Variants in RABGAP1L observed in about 807,000 individuals in gnomAD.
The protein encoded by RABGAP1L is rab GTPase-activating protein 1-like.
RABGAP1L carries 63 observed loss-of-function variants against 137.7 expected under a neutral mutation model. That is an observed-to-expected ratio of 0.46 (90% CI 0.37 to 0.56). The LOEUF is 0.56. RABGAP1L is among the 20% of genes least tolerant of loss of function. The pLI, the probability that RABGAP1L is intolerant of heterozygous loss-of-function variation, is 0.00. For synonymous variants in RABGAP1L, 431 were observed against 433.7 expected (o/e 0.99, Z 0.08); for missense variants, 1,095 against 1,244.0 (o/e 0.88, Z 1.80).
At chr1:174,560,473 G>A (rs1378930894) in intron 13 of RABGAP1L, among the ~76,000 whole-genome samples, 1 of 152,230 alleles carries the variant, frequency 6.6e-6, no homozygotes, top group African/African-American at 2.4e-5. Context: ...AATAGGGGCA[G>A]GGGAATCTAC....
chr1:174,892,423 A>G (rs1656338566), intron 19 of RABGAP1L: 1 of 409,974 alleles, frequency 2.4e-6, no homozygotes, highest in Non-Finnish European at 4.7e-6. Flanking sequence ...AGAAATATGA[A>G]TATCAACACG....
rs186569392 is a variant in RABGAP1L at position 174,190,410 on chromosome 1, T to A, written c.-33-28715T>A. On this transcript the variant is annotated intron_variant, in intron 1 of 25. Coordinates refer to ENST00000681986, the MANE Select transcript of RABGAP1L (RefSeq NM_001366446.1). ...ATAACTGTAAGAAATCATTTTTTTT[T>A]ATAAATTACCAAGTTTCAGGTATTT... is the stretch of plus-strand genomic sequence containing the variant. 3.9e-3 allele frequency among the ~76,000 whole-genome samples: 596 copies of A among 152,330 alleles called. 5 individuals carry two copies. The highest frequency in any genetic ancestry group is 0.012 in the African/African-American group (516 of 41,576).
At chr1:174,395,674 C>G (rs576898924) in intron 13 of RABGAP1L, among the ~76,000 whole-genome samples, 1 of 152,026 alleles carries the variant, frequency 6.6e-6, no homozygotes, top group African/African-American at 2.4e-5. Flanking sequence ...AAACACAACA[C>G]CTTCTGATTT....
chr1:174,649,704 G>T (rs1207782523), intron 14 of RABGAP1L, among the ~76,000 whole-genome samples: 2 of 152,122 alleles, frequency 1.3e-5, no homozygotes, highest in East Asian at 3.8e-4. Context: ...AGACTTTGCT[G>T]AAGGTGCTTA....
At chr1:174,519,185 AAT>A (rs946882896) in intron 13 of RABGAP1L, among the ~76,000 whole-genome samples, 55 of 149,850 alleles carry the variant, frequency 3.7e-4, no homozygotes, top group Middle Eastern at 3.4e-3. Flanking sequence ...CCCATGTGTA[AAT>A]ATATATATAT....
At chr1:174,308,312 TTCTC>T (rs1379550085) in intron 11 of RABGAP1L, among the ~76,000 whole-genome samples, 1 of 152,102 alleles carries the variant, frequency 6.6e-6, no homozygotes, top group African/African-American at 2.4e-5. Flanking sequence ...GCGAAATACT[TTCTC>T]TCATTCTGTA....
At chr1:174,191,033 G>A (rs764721522) in intron 1 of RABGAP1L, among the ~76,000 whole-genome samples, 1 of 152,112 alleles carries the variant, frequency 6.6e-6, no homozygotes, top group Non-Finnish European at 1.5e-5. Context: ...AGATAGGTGC[G>A]GTTTGTGGCA....
rs368720412 is a variant in RABGAP1L at position 174,758,873 on chromosome 1, C to A, written c.2211+6519C>A. Among the ~76,000 whole-genome samples, 57 of 152,316 alleles carry A rather than the reference C, an allele frequency of 3.7e-4. No homozygotes were observed. The Middle Eastern group carries it at 0.01, about 27-fold the overall frequency. On this transcript the variant is annotated intron_variant, in intron 18 of 25. Transcript: ENST00000681986. ...AGTAACCTCCACTTCAGTAAGGACTCTACCCAGCTGCTCAAACCAGAAACC... is the reference window on the plus strand; with the variant it reads ...AGTAACCTCCACTTCAGTAAGGACTATACCCAGCTGCTCAAACCAGAAACC...
intron 13 of RABGAP1L, among the ~76,000 whole-genome samples, chr1:174,502,269 T>C (rs1340578876): frequency 6.6e-6 from 1 of 151,636 alleles, no homozygotes; most frequent in Non-Finnish European, 1.5e-5. Flanking sequence ...TAGGCAATAA[T>C]TGACAGATTC....
intron 19 of RABGAP1L, among the ~76,000 whole-genome samples, chr1:174,916,854 T>C (rs1660964680): frequency 6.6e-6 from 1 of 152,226 alleles, no homozygotes; most frequent in South Asian, 2.1e-4. Context: ...AGACTTACAT[T>C]ACTAAATAAC....
At chr1:174,509,948 C>A (rs923075497) in intron 13 of RABGAP1L, among the ~76,000 whole-genome samples, 2 of 152,158 alleles carry the variant, frequency 1.3e-5, no homozygotes, top group Non-Finnish European at 2.9e-5. Flanking sequence ...ATTGCCCTTG[C>A]TGAGGTTGAG....
intron 7 of RABGAP1L, among the ~76,000 whole-genome samples, chr1:174,259,375 C>G (rs1190742430): frequency 1.3e-5 from 2 of 152,260 alleles, no homozygotes; most frequent in Admixed American, 6.5e-5. Flanking sequence ...GTACTATTAT[C>G]TTCATTTTTC....
At chr1:174,268,534 A>T (rs1343336833) in intron 7 of RABGAP1L, among the ~76,000 whole-genome samples, 1 of 152,132 alleles carries the variant, frequency 6.6e-6, no homozygotes, top group East Asian at 1.9e-4. Context: ...AAAGTTTAGT[A>T]CAGCAAGAGA....
In RABGAP1L at chr1:174,443,858, A is replaced by G. The variant is rs550214730; in HGVS notation, c.1710+49713A>G. Among the ~76,000 whole-genome samples the G allele has an allele frequency of 3.9e-5, 6 of 152,182 alleles. 1 individual carries two copies. The South Asian group carries it at 1.0e-3, about 26-fold the overall frequency. ...ATCAACTTTGACTTGATTTTTGTAT[A>G]TGGTGAGAGATAGGAGTCTAGTTTT... On this transcript the variant is annotated intron_variant, in intron 13 of 25. Transcript: ENST00000681986.
At position 174,959,227 on chromosome 1, in the gene RABGAP1L, T is replaced by A. The variant is rs986857286; in HGVS notation, c.2433+1678T>A. ...CAATAAAACCAGCTTTTAATGTAAA[T>A]CACATAGCATGCTGCTTTAGAAAGG... On this transcript the variant is annotated intron_variant, in intron 20 of 25. Coordinates refer to ENST00000681986, the MANE Select transcript of RABGAP1L (RefSeq NM_001366446.1). Among the ~76,000 whole-genome samples the A allele has an allele frequency of 2.0e-5, 3 of 152,350 alleles. No homozygotes were observed. The East Asian group carries it at 5.8e-4, about 29-fold the overall frequency.
chr1:174,271,590 A>T (rs2148660262), intron 7 of RABGAP1L, among the ~76,000 whole-genome samples: 1 of 152,186 alleles, frequency 6.6e-6, no homozygotes, highest in East Asian at 1.9e-4. Flanking sequence ...CGAGACCTAT[A>T]ATATAGCAGT....
chr1:174,548,154 A>T, intron 13 of RABGAP1L: 5 of 1,479,694 alleles, frequency 3.4e-6, no homozygotes, highest in Non-Finnish European at 4.5e-6. Context: ...GGTTGATGTT[A>T]CATATGTTCA....
intron 23 of RABGAP1L, among the ~76,000 whole-genome samples, chr1:174,981,822 A>T (rs1196131591): frequency 6.6e-6 from 1 of 152,126 alleles, no homozygotes; most frequent in Non-Finnish European, 1.5e-5. Flanking sequence ...TTTCAGAATC[A>T]ATAAGAAGAA....
intron 12 of RABGAP1L, among the ~76,000 whole-genome samples, chr1:174,384,304 T>C (rs1039236382): frequency 1.4e-4 from 21 of 152,104 alleles, no homozygotes; most frequent in Non-Finnish European, 2.9e-4. Flanking sequence ...AATTTGGGTA[T>C]GGGGGGAATG....
Sources: gnomAD v4.1 joint callset for allele counts (sites outside exome capture counted in the v4.1 genomes callset) on GRCh38, gnomAD v4.1.1 for gene constraint, MANE v1.5 for transcripts, NCBI Gene and HGNC (gene_info 2026-07-23, HGNC 2026-07-21) for gene names.